Variants in MCPH1 observed in about 807,000 individuals in gnomAD.
MCPH1 encodes microcephalin 1.
In MCPH1, 104 loss-of-function variants were observed where a neutral mutation model predicts 84.5. That is an observed-to-expected ratio of 1.23 (90% confidence interval 1.05 to 1.45). The LOEUF (loss-of-function observed/expected upper bound fraction) is 1.45, where lower values mean the gene tolerates loss of function less well. Among genes scored for constraint, MCPH1 ranks in the 40% most tolerant of loss-of-function variants. MCPH1 has a pLI of 0.00. For missense variants in MCPH1, 1,498 were observed against 1,005.7 expected (o/e 1.49, Z -6.62); for synonymous variants, 514 against 366.8 (o/e 1.40, Z -4.58).
chr8:6,556,403 C>A (rs957118450), intron 12 of MCPH1, among the ~76,000 whole-genome samples: 6 of 152,202 alleles, frequency 3.9e-5, no homozygotes, highest in African/African-American at 1.4e-4. Context: ...AATTGATTTT[C>A]CTTTTATAAA....
chr8:6,579,668 C>G (rs979943910), intron 12 of MCPH1, among the ~76,000 whole-genome samples: 1 of 151,992 alleles, frequency 6.6e-6, no homozygotes, highest in Non-Finnish European at 1.5e-5. Context: ...ATGTACACAC[C>G]AAGTGGTTTG....
At position 6,499,833 on chromosome 8, in the gene MCPH1, C is replaced by T. The variant is rs989997528; in HGVS notation, c.2137-19C>T. 4 of 1,610,340 alleles carry T rather than the reference C, an allele frequency of 2.5e-6. No individual in the cohort carries two copies. The African/African-American group carries it at 4.0e-5, about 16-fold the overall frequency. On this transcript the variant is annotated intron_variant, in intron 11 of 13. Coordinates refer to ENST00000344683, the MANE Select transcript of MCPH1 (RefSeq NM_024596.5). The stretch of plus-strand genomic sequence containing the variant: ...GGCTAATAAATGTATAATAAATCTG[C>T]TTGTTGTGTCACTTGCAGGTGCTAT...
At chr8:6,514,791 A>G in intron 12 of MCPH1, 1 of 1,611,314 alleles carries the variant, frequency 6.2e-7, no homozygotes, top group Non-Finnish European at 8.5e-7. Context: ...GCAAACAGGA[A>G]TGCAGGGTAT....
intron 9 of MCPH1, chr8:6,473,739 T>A (rs1808070468): frequency 1.8e-6 from 1 of 569,984 alleles, no homozygotes; most frequent in Non-Finnish European, 2.9e-6. Context: ...CTGCTGGTCC[T>A]GCAACATGAG....
At chr8:6,503,936 C>G (rs1005961578) in intron 12 of MCPH1, among the ~76,000 whole-genome samples, 1 of 152,142 alleles carries the variant, frequency 6.6e-6, no homozygotes, top group African/African-American at 2.4e-5. Flanking sequence ...CACAGTAGTC[C>G]CCCCTTATCT....
intron 6 of MCPH1, among the ~76,000 whole-genome samples, chr8:6,441,610 G>A (rs1233582901): frequency 6.6e-6 from 1 of 152,114 alleles, no homozygotes; most frequent in African/African-American, 2.4e-5. Flanking sequence ...CTGACATTTG[G>A]GTCTGGGTAA....
At chr8:6,574,397 C>G (rs904548230) in intron 12 of MCPH1, among the ~76,000 whole-genome samples, 3 of 152,156 alleles carry the variant, frequency 2.0e-5, no homozygotes, top group Middle Eastern at 6.3e-3. Flanking sequence ...GATTAAGAGC[C>G]CACCCCACTC....
intron 12 of MCPH1, among the ~76,000 whole-genome samples, chr8:6,551,468 G>C (rs1187038456): frequency 6.6e-6 from 1 of 152,212 alleles, no homozygotes; most frequent in African/African-American, 2.4e-5. Context: ...TTACCCAGAA[G>C]GGAGCCATGC....
chr8:6,546,263 A>G (rs530849120), intron 12 of MCPH1, among the ~76,000 whole-genome samples: 1 of 152,380 alleles, frequency 6.6e-6, no homozygotes, highest in Admixed American at 6.5e-5. Context: ...ATTCAAGGGC[A>G]ACCCAGCAGT....
At chr8:6,575,794 T>G (rs2129576711) in intron 12 of MCPH1, among the ~76,000 whole-genome samples, 1 of 152,216 alleles carries the variant, frequency 6.6e-6, no homozygotes, top group Admixed American at 6.5e-5. Context: ...GAGGAACGCC[T>G]CGTGACAACG....
At position 6,646,866 on chromosome 8, in the gene MCPH1, G is replaced by C. The variant is rs1798239478; in HGVS notation, c.*3817G>C. The C allele has an allele frequency of 6.6e-6, 1 of 152,042 alleles. No homozygotes were observed. Among genetic ancestry groups the C allele is most frequent in the South Asian group, 2.1e-4 (1 of 4,824 alleles). The allele number at this position is 152,042 out of a possible 1,614,324, so 9.4% of individuals were successfully genotyped here. ...TAAAAAATAAAATGTACAGAAGAAAGCATAGCAGGAAATCATTCTGACCTC... is the reference window on the plus strand; with the variant it reads ...TAAAAAATAAAATGTACAGAAGAAACCATAGCAGGAAATCATTCTGACCTC... On this transcript the variant is annotated 3_prime_UTR_variant, in exon 14 of 14. Transcript: ENST00000344683.
At chr8:6,605,942 C>A (rs1029477662) in intron 12 of MCPH1, among the ~76,000 whole-genome samples, 39 of 152,108 alleles carry the variant, frequency 2.6e-4, no homozygotes, top group African/African-American at 9.2e-4. Context: ...AGTGATCTAC[C>A]CCCCTTGGCC....
At chr8:6,636,816 T>C (rs1797592129) in intron 13 of MCPH1, among the ~76,000 whole-genome samples, 1 of 152,130 alleles carries the variant, frequency 6.6e-6, no homozygotes, top group African/African-American at 2.4e-5. Flanking sequence ...CCAAAAAAAA[T>C]CTGGAATTCA....
At chr8:6,492,268 A>G (rs1312165585) in intron 11 of MCPH1, among the ~76,000 whole-genome samples, 1 of 152,176 alleles carries the variant, frequency 6.6e-6, no homozygotes, top group Non-Finnish European at 1.5e-5. Context: ...GGCTGCATAA[A>G]TGTCTTCTTT....
intron 12 of MCPH1, among the ~76,000 whole-genome samples, chr8:6,512,770 T>C (rs1447308171): frequency 6.6e-6 from 1 of 152,224 alleles, no homozygotes; most frequent in Non-Finnish European, 1.5e-5. Context: ...CAGTCAAGGT[T>C]GCCCATGCTA....
intron 3 of MCPH1, among the ~76,000 whole-genome samples, chr8:6,417,019 C>G (rs1799405093): frequency 6.6e-6 from 1 of 151,326 alleles, no homozygotes; most frequent in Non-Finnish European, 1.5e-5. Flanking sequence ...CCTTCTCTGG[C>G]TTTTGTCAAG....
chr8:6,627,756 TG>T (rs1796854627), intron 13 of MCPH1, among the ~76,000 whole-genome samples: 1 of 152,070 alleles, frequency 6.6e-6, no homozygotes, highest in African/African-American at 2.4e-5. Context: ...GCGGGCATGG[TG>T]GTGCAAGCCT....
Position 6,643,176 on chromosome 8 carries a change from G to C in MCPH1, c.*127G>C. On this transcript the variant is annotated 3_prime_UTR_variant, in exon 14 of 14. Transcript: ENST00000344683. ...CAAGATGACTTCTGATATCATGTTTGCCATGTGTTGTGGTTCTTAAGAACT... is the reference window on the plus strand; with the variant it reads ...CAAGATGACTTCTGATATCATGTTTCCCATGTGTTGTGGTTCTTAAGAACT... The C allele has an allele frequency of 1.2e-6, 1 of 825,700 alleles. No individual in the cohort carries two copies. Among genetic ancestry groups the C allele is most frequent in the Non-Finnish European group, 2.0e-6 (1 of 490,756 alleles). The allele number at this position is 825,700 out of a possible 1,614,324, so 51.1% of individuals were successfully genotyped here. A position where few individuals can be genotyped will look rare whatever the true frequency, so the allele number is the denominator to read the frequency against.
chr8:6,550,281 G>A (rs1406660269), intron 12 of MCPH1, among the ~76,000 whole-genome samples: 1 of 152,152 alleles, frequency 6.6e-6, no homozygotes, highest in East Asian at 1.9e-4. Flanking sequence ...CCATGGGGAG[G>A]TTGAATCCCC....
Sources: allele counts gnomAD v4.1 joint callset (sites outside exome capture counted in the v4.1 genomes callset), GRCh38; gene constraint gnomAD v4.1.1; transcripts MANE v1.5; gene names NCBI Gene and HGNC (gene_info 2026-07-23, HGNC 2026-07-21).